ST18: variants seen among roughly 807,000 people sequenced by gnomAD.
The protein encoded by ST18 is ST18 C2H2C-type zinc finger transcription factor.
In ST18, 50 loss-of-function variants were observed where a neutral mutation model predicts 110.0. The observed-to-expected ratio is 0.45, with a 90% CI of 0.36 to 0.58. The LOEUF is 0.58. ST18 is among the 20% of genes least tolerant of loss of function. ST18 has a pLI of 0.00. For synonymous variants in ST18, 461 were observed against 452.4 expected (o/e 1.02, Z -0.24); for missense variants, 1,306 against 1,280.1 (o/e 1.02, Z -0.31).
At chr8:52,202,827 G>A (rs1420841053) in intron 8 of ST18, among the ~76,000 whole-genome samples, 2 of 152,138 alleles carry the variant, frequency 1.3e-5, no homozygotes, top group African/African-American at 2.4e-5. Context: ...ATAGGATGGC[G>A]ATGATATTGA....
At chr8:52,204,548 T>C (rs976054831) in intron 8 of ST18, among the ~76,000 whole-genome samples, 18 of 152,212 alleles carry the variant, frequency 1.2e-4, no homozygotes, top group Non-Finnish European at 2.5e-4. Flanking sequence ...ACAATGCTGT[T>C]ACATCATACC....
intron 2 of ST18, among the ~76,000 whole-genome samples, chr8:52,391,325 A>C (rs6473725): frequency 0.62 from 94,611 of 152,108 alleles, 31,389 homozygotes; most frequent in Non-Finnish European, 0.73. Context: ...CTGTGAACCC[A>C]GCCACCACCC....
intron 2 of ST18, among the ~76,000 whole-genome samples, chr8:52,353,975 C>G (rs1478547183): frequency 6.6e-6 from 1 of 152,208 alleles, no homozygotes; most frequent in African/African-American, 2.4e-5. Context: ...CAGTGTTTTG[C>G]TCTTGGGCTA....
intron 8 of ST18, among the ~76,000 whole-genome samples, chr8:52,203,356 AC>A (rs2078683722): frequency 3.3e-5 from 5 of 152,146 alleles, no homozygotes; most frequent in Non-Finnish European, 5.9e-5. Context: ...TCTTTCCACC[AC>A]ACAAACTCTT....
chr8:52,396,543 G>A (rs1365797604), intron 2 of ST18, among the ~76,000 whole-genome samples: 1 of 151,998 alleles, frequency 6.6e-6, no homozygotes, highest in Admixed American at 6.6e-5. Context: ...AAGAAAAGAA[G>A]TTTAATTGAC....
At chr8:52,127,020 T>A (rs2047355984) in intron 22 of ST18, among the ~76,000 whole-genome samples, 1 of 152,230 alleles carries the variant, frequency 6.6e-6, no homozygotes, top group Non-Finnish European at 1.5e-5. Context: ...AATTTTTAGA[T>A]CAAAATAGTG....
chr8:52,310,469 G>C (rs1459681479), intron 2 of ST18, among the ~76,000 whole-genome samples: 1 of 152,156 alleles, frequency 6.6e-6, no homozygotes, highest in Non-Finnish European at 1.5e-5. Context: ...AGTTTCGATT[G>C]TGTTTTTGAA....
At chr8:52,228,545 A>T (rs567370266) in intron 3 of ST18, among the ~76,000 whole-genome samples, 1 of 152,300 alleles carries the variant, frequency 6.6e-6, no homozygotes, top group African/African-American at 2.4e-5. Context: ...TTATTTTTTT[A>T]ATCAAAATGG....
chr8:52,147,209 A>T (rs911520674), intron 16 of ST18, among the ~76,000 whole-genome samples: 1 of 152,236 alleles, frequency 6.6e-6, no homozygotes, highest in African/African-American at 2.4e-5. Flanking sequence ...TGGGAAATGA[A>T]ACACTGTCCC....
chr8:52,249,128 C>A (rs916752213), intron 2 of ST18, among the ~76,000 whole-genome samples: 1 of 152,166 alleles, frequency 6.6e-6, no homozygotes, highest in Non-Finnish European at 1.5e-5. Context: ...CAAGTTCACT[C>A]GCATTTTGGG....
chr8:52,121,471 T>A (rs2044771047), intron 23 of ST18, among the ~76,000 whole-genome samples: 1 of 152,132 alleles, frequency 6.6e-6, no homozygotes, highest in South Asian at 2.1e-4. Context: ...TTCCACAGAG[T>A]CGCTCATCTG....
intron 10 of ST18, among the ~76,000 whole-genome samples, chr8:52,167,298 A>C (rs370129338): frequency 4.6e-5 from 7 of 152,342 alleles, no homozygotes; most frequent in African/African-American, 1.7e-4. Flanking sequence ...GTGCTAGGGG[A>C]TGAACAGGCT....
intron 22 of ST18, among the ~76,000 whole-genome samples, chr8:52,130,718 T>C (rs1177848002): frequency 2.0e-5 from 3 of 152,236 alleles, no homozygotes; most frequent in Non-Finnish European, 4.4e-5. Context: ...TTGCTCCATA[T>C]CCTCACCAAG....
At chr8:52,379,221 C>A (rs1460817425) in intron 2 of ST18, among the ~76,000 whole-genome samples, 1 of 151,898 alleles carries the variant, frequency 6.6e-6, no homozygotes, top group Non-Finnish European at 1.5e-5. Flanking sequence ...CCTCAGCCCC[C>A]CGAGTAGCTG....
At chr8:52,179,125 G>A (rs557136215) in intron 9 of ST18, among the ~76,000 whole-genome samples, 1 of 152,204 alleles carries the variant, frequency 6.6e-6, no homozygotes, top group East Asian at 1.9e-4. Context: ...ATGTTTAGTA[G>A]AATATACATC....
chr8:52,320,305 C>A (rs574064867), intron 2 of ST18, among the ~76,000 whole-genome samples: 2 of 151,898 alleles, frequency 1.3e-5, no homozygotes, highest in African/African-American at 2.4e-5. Flanking sequence ...TTCTAGGTAG[C>A]CTCTGTGGAG....
chr8:52,116,154 G>A, intron 25 of ST18, 121 bp downstream of exon 25: 2 of 1,050,910 alleles, frequency 1.9e-6, no homozygotes, highest in East Asian at 2.5e-5. Flanking sequence ...GATGAAGTGT[G>A]GTCACTCTGT....
At chr8:52,295,877 G>T (rs577773307) in intron 2 of ST18, among the ~76,000 whole-genome samples, 1 of 152,042 alleles carries the variant, frequency 6.6e-6, no homozygotes, top group Admixed American at 6.6e-5. Context: ...CTGCCTCCCA[G>T]TATGTTCTGC....
intron 13 of ST18, among the ~76,000 whole-genome samples, chr8:52,162,134 C>T (rs2061620033): frequency 6.6e-6 from 1 of 152,102 alleles, no homozygotes; most frequent in South Asian, 2.1e-4. Flanking sequence ...TCACTTGAAC[C>T]TAAGAGGCGG....
Sources: gnomAD v4.1 joint callset for allele counts (sites outside exome capture counted in the v4.1 genomes callset) on GRCh38, gnomAD v4.1.1 for gene constraint, MANE v1.5 for transcripts, NCBI Gene and HGNC (gene_info 2026-07-23, HGNC 2026-07-21) for gene names.